Variants in PDK1 observed in about 807,000 individuals in gnomAD.
The protein encoded by PDK1 is [Pyruvate dehydrogenase (acetyl-transferring)] kinase isozyme 1, mitochondrial.
In PDK1, 39 loss-of-function variants were observed where a neutral mutation model predicts 54.2. That is an observed-to-expected ratio of 0.72 (90% CI 0.56 to 0.94). The LOEUF (loss-of-function observed/expected upper bound fraction) is 0.94. PDK1 is among the 40% of genes least tolerant of loss of function. PDK1 has a pLI of 0.00. For missense variants in PDK1, 552 were observed against 566.0 expected, an observed-to-expected ratio of 0.98 and a Z score of 0.25; for synonymous variants, 221 against 207.1, an observed-to-expected ratio of 1.07 and a Z score of -0.58.
the PDK1 span, among the ~76,000 whole-genome samples, chr2:172,617,196 G>A: frequency 6.6e-6 from 1 of 151,874 alleles, no homozygotes; most frequent in Non-Finnish European, 1.5e-5. Flanking sequence ...CAAGTCATCT[G>A]CCCACCTTGG....
intron 9 of PDK1, among the ~76,000 whole-genome samples, chr2:172,589,146 G>C (rs1184997863): frequency 1.3e-5 from 2 of 152,348 alleles, no homozygotes; most frequent in African/African-American, 2.4e-5. Context: ...GAGAGAGCAC[G>C]TGGTAAAGTA....
the PDK1 span, among the ~76,000 whole-genome samples, chr2:172,646,380 C>CT: frequency 2.8e-5 from 4 of 145,436 alleles, no homozygotes; most frequent in African/African-American, 9.8e-5. Flanking sequence ...CAAAAATCCC[C>CT]TTTTTTTCTT....
chr2:172,716,396 G>A, the PDK1 span, among the ~76,000 whole-genome samples: 62 of 151,878 alleles, frequency 4.1e-4, no homozygotes, highest in South Asian at 5.0e-3. Flanking sequence ...GTGCAGTGGC[G>A]TAATCTTGAC....
Position 172,583,281 on chromosome 2 carries a change from G to GTTTTTTTTTTTT in PDK1, c.946-2977_946-2966dup, listed in dbSNP as rs1175087926. ...CATAATGCTGCATAAAAGTTTTCTGGTTTTTTTTTTTTTTTTTTTTTTTTT... is the reference window on the plus strand; with the variant it reads ...CATAATGCTGCATAAAAGTTTTCTGGTTTTTTTTTTTTTTTTTTTTTTTTTTTTTTTTTTTTT... On this transcript the variant is annotated intron_variant, in intron 8 of 10. Coordinates refer to ENST00000282077, the MANE Select transcript of PDK1 (RefSeq NM_002610.5). Among the ~76,000 whole-genome samples the GTTTTTTTTTTTT allele has an allele frequency of 4.8e-4, 37 of 77,074 alleles. 7 individuals carry two copies. The highest frequency in any genetic ancestry group is 1.4e-3 in the African/African-American group (26 of 18,480). 50.6% of individuals were successfully genotyped at this position (77,074 alleles called of 152,430 possible).
chr2:172,698,956 G>C, the PDK1 span, among the ~76,000 whole-genome samples: 1 of 152,126 alleles, frequency 6.6e-6, no homozygotes, highest in African/African-American at 2.4e-5. Context: ...GATGCAAAGG[G>C]GGGTGAGATT....
chr2:172,615,937 G>A, the PDK1 span, among the ~76,000 whole-genome samples: 1 of 152,134 alleles, frequency 6.6e-6, no homozygotes, highest in African/African-American at 2.4e-5. Flanking sequence ...TGCCTACAAC[G>A]GAAGAGGCAC....
At chr2:172,640,460 T>C in the PDK1 span, among the ~76,000 whole-genome samples, 264 of 152,324 alleles carry the variant, frequency 1.7e-3, no homozygotes, top group African/African-American at 6.1e-3. Context: ...GGCAAATGGC[T>C]ACACAGAACC....
At chr2:172,643,255 A>G in the PDK1 span, among the ~76,000 whole-genome samples, 1 of 152,158 alleles carries the variant, frequency 6.6e-6, no homozygotes, top group Non-Finnish European at 1.5e-5. Context: ...TGTAGCTGTC[A>G]CCTCATAATG....
chr2:172,629,050 C>A, the PDK1 span, among the ~76,000 whole-genome samples: 1 of 152,088 alleles, frequency 6.6e-6, no homozygotes, highest in Non-Finnish European at 1.5e-5. Flanking sequence ...ATTGCTGGAG[C>A]CTTGAGGAGG....
the PDK1 span, among the ~76,000 whole-genome samples, chr2:172,631,710 A>G: frequency 1.3e-5 from 2 of 152,158 alleles, no homozygotes; most frequent in African/African-American, 4.8e-5. Flanking sequence ...ACAAAGGTAT[A>G]TATCCTAAGG....
Position 172,568,794 on chromosome 2 carries a change from C to A in PDK1, c.823C>A (p.His275Asn). ...GGTTTATGTACCATCCCATCTCTAT[C>A]ACATGGTGTTTGAACTTTTCAAGGT... ...QVVYVPSHLY[H>N]MVFELFKNAM... Residue 275 changes from histidine (H) to asparagine (N), a missense_variant, in exon 7 of 11, where the codon CAC becomes AAC. By Grantham distance (68) the His-to-Asn change is moderately conservative (BLOSUM62 1). Transcript: ENST00000282077. 6.2e-7 allele frequency: 1 copy of A among 1,603,852 alleles called. No individual in the cohort carries two copies. Among genetic ancestry groups the A allele is most frequent in the Non-Finnish European group, 8.5e-7 (1 of 1,170,632 alleles).
chr2:172,604,092 G>C lies in PDK1; in HGVS notation c.*8123G>C, dbSNP rs13032692. The C allele has an allele frequency of 0.14, 20,729 of 152,078 alleles. 1,575 individuals carry two copies. The highest frequency in any genetic ancestry group is 0.19 in the African/African-American group (7,941 of 41,454). 9.4% of individuals were successfully genotyped at this position (152,078 alleles called of 1,614,324 possible). On this transcript the variant is annotated 3_prime_UTR_variant, in exon 11 of 11. Transcript: ENST00000282077. ...CATGGCGTATATCTTTTTTGGCGGG[G>C]GGTGAGGACAGAGTCTTGCTCTGAG... is the stretch of plus-strand genomic sequence containing the variant.
chr2:172,593,892 A>G (rs1690742509), intron 10 of PDK1, among the ~76,000 whole-genome samples: 1 of 152,148 alleles, frequency 6.6e-6, no homozygotes, highest in Non-Finnish European at 1.5e-5. Flanking sequence ...TCTGGCCACT[A>G]GATGGCATCT....
the PDK1 span, among the ~76,000 whole-genome samples, chr2:172,702,605 T>C: frequency 1.3e-5 from 1 of 75,582 alleles, no homozygotes; most frequent in Non-Finnish European, 2.4e-5. Flanking sequence ...CCTAACTGCC[T>C]TTTTTTTTTT....
chr2:172,644,503 A>T, the PDK1 span, among the ~76,000 whole-genome samples: 1 of 152,190 alleles, frequency 6.6e-6, no homozygotes, highest in Non-Finnish European at 1.5e-5. Context: ...AAAATGAAAC[A>T]CACAGAGTAT....
chr2:172,705,515 T>G, the PDK1 span, among the ~76,000 whole-genome samples: 5 of 152,240 alleles, frequency 3.3e-5, no homozygotes, highest in African/African-American at 1.2e-4. Flanking sequence ...TGTTTCGCTT[T>G]ACCATAATCC....
Position 172,601,338 on chromosome 2 carries a change from C to T in PDK1, c.*5369C>T, listed in dbSNP as rs184078218. 2.6e-5 allele frequency: 4 copies of T among 152,180 alleles called. No homozygotes were observed. The highest frequency in any genetic ancestry group is 9.6e-5 in the African/African-American group (4 of 41,534). 9.4% of individuals were successfully genotyped at this position (152,180 alleles called of 1,614,324 possible). ...TTTTAAAGTTTAAAATAGAAGTAAA[C>T]AAGCAAACATACTGATAATGGTTAG... On this transcript the variant is annotated 3_prime_UTR_variant, in exon 11 of 11. Coordinates refer to ENST00000282077, the MANE Select transcript of PDK1 (RefSeq NM_002610.5).
the PDK1 span, among the ~76,000 whole-genome samples, chr2:172,643,405 G>C: frequency 8.5e-5 from 13 of 152,148 alleles, 1 homozygote; most frequent in African/African-American, 3.1e-4. Flanking sequence ...CCCAAGCCTC[G>C]ATCTGCAGCA....
At chr2:172,618,437 A>T in the PDK1 span, among the ~76,000 whole-genome samples, 5 of 152,356 alleles carry the variant, frequency 3.3e-5, no homozygotes, top group South Asian at 1.0e-3. Flanking sequence ...AAAGATTAAA[A>T]CATTCCATTC....
Sources: allele counts gnomAD v4.1 joint callset (sites outside exome capture counted in the v4.1 genomes callset), GRCh38; gene constraint gnomAD v4.1.1; transcripts MANE v1.5; gene names NCBI Gene and HGNC (gene_info 2026-07-23, HGNC 2026-07-21).